The following DPY30 variants were observed in gnomAD, a reference collection of about 807,000 sequenced individuals.
The protein encoded by DPY30 is protein dpy-30 homolog.
In DPY30, 6 loss-of-function variants were observed where a neutral mutation model predicts 16.2. That is an observed-to-expected ratio of 0.37 (90% CI 0.20 to 0.73). DPY30 has a LOEUF of 0.73. DPY30 is among the 30% of genes least tolerant of loss of function. DPY30 has a pLI of 0.51. For missense variants in DPY30, 73 were observed against 113.1 expected (o/e 0.65, Z 1.61); for synonymous variants, 39 against 38.8 (o/e 1.00, Z -0.02).
At chr2:32,017,792 C>T (rs1475360875) in intron 5 of DPY30, among the ~76,000 whole-genome samples, 3 of 152,076 alleles carry the variant, frequency 2.0e-5, no homozygotes, top group Admixed American at 6.6e-5. Flanking sequence ...AAATACATAA[C>T]ACAAAAGGTG....
At chr2:32,034,261 G>A (rs1486973023) in intron 3 of DPY30, among the ~76,000 whole-genome samples, 1 of 152,158 alleles carries the variant, frequency 6.6e-6, no homozygotes, top group Non-Finnish European at 1.5e-5. Context: ...ATACCTGAGG[G>A]TGGGTAATTT....
At chr2:32,026,811 AAAATAAAT>A (rs1174430437) in intron 4 of DPY30, among the ~76,000 whole-genome samples, 1 of 152,024 alleles carries the variant, frequency 6.6e-6, no homozygotes, top group East Asian at 1.9e-4. Context: ...TCCGTCTCAA[AAAATAAAT>A]AAATAAATAA....
chr2:32,029,140 C>A (rs1031781187), intron 4 of DPY30, among the ~76,000 whole-genome samples: 1 of 151,942 alleles, frequency 6.6e-6, no homozygotes, highest in African/African-American at 2.4e-5. Flanking sequence ...GGCGTAGTGG[C>A]CCACGCCTGT....
At chr2:32,017,615 CAAAAA>C (rs59826181) in intron 5 of DPY30, among the ~76,000 whole-genome samples, 1 of 134,268 alleles carries the variant, frequency 7.4e-6, no homozygotes, top group Non-Finnish European at 1.6e-5. Flanking sequence ...AACACCATCT[CAAAAA>C]AAAAAAAAAA....
chr2:32,011,701 G>C (rs1483181161), downstream of DPY30, among the ~76,000 whole-genome samples: 2 of 152,204 alleles, frequency 1.3e-5, no homozygotes, highest in Non-Finnish European at 2.9e-5. Flanking sequence ...GCAAAAGTAG[G>C]AATAGAGGAA....
intron 3 of DPY30, among the ~76,000 whole-genome samples, chr2:32,030,710 G>C (rs1675505838): frequency 6.6e-6 from 1 of 151,784 alleles, no homozygotes; most frequent in African/African-American, 2.4e-5. Flanking sequence ...GAGGTGGGAG[G>C]ATCACTTGAG....
rs181176684 is a variant in DPY30, at chr2:32,026,260, A to C, written c.228-2004T>G. The stretch of plus-strand genomic sequence containing the variant: ...CCCAACTCTTCAAAAAAGTTTAAAA[A>C]TTAGCCTGGCATAGTGGCACACGCC... On this transcript the variant is annotated intron_variant, in intron 4 of 4. Transcript: ENST00000342166. 2.0e-5 allele frequency among the ~76,000 whole-genome samples: 3 copies of C among 152,128 alleles called. No individual in the cohort carries two copies. In the East Asian group the frequency reaches 5.8e-4, roughly 29 times the overall value.
At chr2:32,037,406 G>A (rs1274875982) in intron 3 of DPY30, among the ~76,000 whole-genome samples, 2 of 152,122 alleles carry the variant, frequency 1.3e-5, no homozygotes, top group South Asian at 2.1e-4. Context: ...CCAGGCTCAA[G>A]TGATCCTCCT....
intron 1 of DPY30, 99 bp from the exon 2 acceptor site, chr2:32,039,591 A>C: frequency 1.3e-5 from 15 of 1,176,282 alleles, no homozygotes; most frequent in Non-Finnish European, 1.5e-5. Flanking sequence ...CCTCACCCCC[A>C]CCTGGGCGCG....
At chr2:32,028,346 T>C (rs943649688) in intron 4 of DPY30, among the ~76,000 whole-genome samples, 1 of 152,156 alleles carries the variant, frequency 6.6e-6, no homozygotes, top group Admixed American at 6.6e-5. Flanking sequence ...TAATGTTTAT[T>C]ATTATTCCTT....
intron 3 of DPY30, among the ~76,000 whole-genome samples, chr2:32,033,442 G>A (rs528319231): frequency 6.6e-6 from 1 of 152,352 alleles, no homozygotes; most frequent in South Asian, 2.1e-4. Context: ...GGAGGCCAAG[G>A]CAGGCGGATC....
At chr2:32,017,734 A>G (rs1245310926) in intron 5 of DPY30, among the ~76,000 whole-genome samples, 1 of 152,208 alleles carries the variant, frequency 6.6e-6, no homozygotes, top group African/African-American at 2.4e-5. Context: ...TCTATTAGGT[A>G]CTGCCATTAC....
At chr2:32,028,149 C>T (rs1246973132) in intron 4 of DPY30, among the ~76,000 whole-genome samples, 5 of 140,914 alleles carry the variant, frequency 3.5e-5, no homozygotes, top group African/African-American at 2.7e-5. Flanking sequence ...CTCACTCTGT[C>T]ACCCAGGCTG....
At chr2:32,023,417 C>G, downstream of DPY30, 1 of 464,206 alleles carries the variant, frequency 2.2e-6, no homozygotes, top group Non-Finnish European at 4.4e-6. Context: ...TTCCCAAAAA[C>G]TTACCAGCAG....
intron 5 of DPY30, among the ~76,000 whole-genome samples, chr2:32,013,901 G>A (rs1224361176): frequency 2.0e-5 from 3 of 152,104 alleles, no homozygotes; most frequent in Non-Finnish European, 2.9e-5. Context: ...CCAGCAACTC[G>A]GGAGGCTGAG....
chr2:32,028,527 G>C (rs1023416841), intron 4 of DPY30, among the ~76,000 whole-genome samples: 2 of 152,148 alleles, frequency 1.3e-5, no homozygotes, highest in South Asian at 2.1e-4. Context: ...TTAAGGCCAG[G>C]CTCAGTGGCT....
intron 3 of DPY30, among the ~76,000 whole-genome samples, chr2:32,031,651 T>C (rs746668925): frequency 1.5e-4 from 22 of 151,054 alleles, no homozygotes; most frequent in Middle Eastern, 3.5e-3. Context: ...TCCCAGCACT[T>C]TGAGAGGCCC....
At chr2:32,022,738 G>A (rs1028854548), downstream of DPY30, among the ~76,000 whole-genome samples, 3 of 151,736 alleles carry the variant, frequency 2.0e-5, no homozygotes, top group South Asian at 2.1e-4. Flanking sequence ...GGCTGGTCTC[G>A]AACTCCTGAC....
chr2:32,020,167 T>C (rs551034095), downstream of DPY30, among the ~76,000 whole-genome samples: 21 of 152,018 alleles, frequency 1.4e-4, no homozygotes, highest in South Asian at 6.2e-4. Flanking sequence ...GCTCTTACCA[T>C]TGGGCTCCAG....
Sources: allele counts gnomAD v4.1 joint callset (sites outside exome capture counted in the v4.1 genomes callset), GRCh38; gene constraint gnomAD v4.1.1; transcripts MANE v1.5; gene names NCBI Gene and HGNC (gene_info 2026-07-23, HGNC 2026-07-21).